The following FGF12 variants were observed in gnomAD, a reference collection of about 807,000 sequenced individuals.
FGF12 encodes the protein fibroblast growth factor 12.
A neutral mutation model predicts 23.6 loss-of-function variants in FGF12; 14 were observed. That is an observed-to-expected ratio of 0.59 (90% CI 0.39 to 0.93). The LOEUF is 0.93. Among genes scored for constraint, FGF12 ranks in the 40% least tolerant of loss-of-function variants. The pLI is 0.00. For synonymous variants in FGF12, 62 were observed against 77.3 expected (o/e 0.80, Z 1.04); for missense variants, 175 against 217.8 (o/e 0.80, Z 1.24).
At chr3:192,220,063 G>A (rs551448460) in intron 4 of FGF12, among the ~76,000 whole-genome samples, 33 of 151,600 alleles carry the variant, frequency 2.2e-4, no homozygotes, top group Non-Finnish European at 2.2e-4. Context: ...CATTGTTCCA[G>A]TCCAGGCCCT....
chr3:192,375,300 C>T (rs574113557), intron 2 of FGF12, among the ~76,000 whole-genome samples: 2 of 152,138 alleles, frequency 1.3e-5, no homozygotes, highest in African/African-American at 4.8e-5. Flanking sequence ...CATTTCTTTG[C>T]TTCATTATTT....
At chr3:192,452,303 T>C (rs1157639369) in intron 2 of FGF12, among the ~76,000 whole-genome samples, 1 of 152,200 alleles carries the variant, frequency 6.6e-6, no homozygotes, top group African/African-American at 2.4e-5. Flanking sequence ...CTGAATTGCA[T>C]AGATTGGTGA....
At chr3:192,578,369 T>C (rs1712996479) in intron 2 of FGF12, among the ~76,000 whole-genome samples, 1 of 152,186 alleles carries the variant, frequency 6.6e-6, no homozygotes, top group Non-Finnish European at 1.5e-5. Flanking sequence ...GTCACGCAGC[T>C]AGGAAATATT....
intron 2 of FGF12, among the ~76,000 whole-genome samples, chr3:192,458,742 T>C (rs1193633371): frequency 6.6e-6 from 1 of 152,192 alleles, no homozygotes; most frequent in East Asian, 1.9e-4. Flanking sequence ...TTTGAGGGAC[T>C]GTTGGGAAGG....
At chr3:192,615,184 T>C (rs1018687774) in intron 2 of FGF12, among the ~76,000 whole-genome samples, 1 of 151,936 alleles carries the variant, frequency 6.6e-6, no homozygotes, top group Admixed American at 6.6e-5. Flanking sequence ...AGGAAGAAAA[T>C]AATATAAACC....
intron 2 of FGF12, among the ~76,000 whole-genome samples, chr3:192,696,311 G>A (rs181995517): frequency 9.7e-4 from 147 of 152,210 alleles, no homozygotes; most frequent in African/African-American, 3.5e-3. Flanking sequence ...GAGAAGCTCT[G>A]AGCAAGTGAC....
At chr3:192,614,058 T>C (rs1196201163) in intron 2 of FGF12, among the ~76,000 whole-genome samples, 1 of 151,948 alleles carries the variant, frequency 6.6e-6, no homozygotes, top group Non-Finnish European at 1.5e-5. Context: ...ACTGAAGACA[T>C]TGTTATTCAT....
At chr3:192,455,191 A>G (rs1722642224) in intron 2 of FGF12, among the ~76,000 whole-genome samples, 1 of 152,230 alleles carries the variant, frequency 6.6e-6, no homozygotes, top group African/African-American at 2.4e-5. Flanking sequence ...AGTTTCCACC[A>G]CATAAAATGC....
intron 4 of FGF12, among the ~76,000 whole-genome samples, chr3:192,319,358 A>G (rs1403466098): frequency 6.6e-6 from 1 of 152,162 alleles, no homozygotes; most frequent in Non-Finnish European, 1.5e-5. Flanking sequence ...GCACTTTGGG[A>G]GGCCAAGGCA....
intron 5 of FGF12, among the ~76,000 whole-genome samples, chr3:192,156,704 T>C (rs900735989): frequency 2.6e-5 from 4 of 152,174 alleles, no homozygotes; most frequent in African/African-American, 9.6e-5. Flanking sequence ...AAAAGAAATA[T>C]TTGCTTCCCT....
chr3:192,692,915 C>T (rs1717991676), intron 2 of FGF12, among the ~76,000 whole-genome samples: 1 of 151,668 alleles, frequency 6.6e-6, no homozygotes, highest in African/African-American at 2.4e-5. Flanking sequence ...GGCAAGGATG[C>T]CTACTCTCAC....
In FGF12 at chr3:192,420,615, C is replaced by A. The variant is rs370612531; in HGVS notation, c.14-60077G>T. ...GTACCCCCTCTCTCTCTTGCTCCCT[C>A]TCTAGCCATGTGGCACTAGCTGTTC... On this transcript the variant is annotated intron_variant, in intron 2 of 5. Coordinates refer to ENST00000445105, the MANE Select transcript of FGF12 (RefSeq NM_004113.6). Among the ~76,000 whole-genome samples, 244 of 152,296 alleles carry A rather than the reference C, an allele frequency of 1.6e-3. 3 individuals carry two copies. The highest frequency in any genetic ancestry group is 0.015 in the South Asian group (71 of 4,828).
At chr3:192,718,601 G>A (rs544058863) in intron 2 of FGF12, among the ~76,000 whole-genome samples, 8 of 152,234 alleles carry the variant, frequency 5.3e-5, no homozygotes, top group South Asian at 4.1e-4. Context: ...CCAGGTCTCC[G>A]GATCCCCAAG....
At chr3:192,373,506 TGAA>T (rs1211940009) in intron 2 of FGF12, among the ~76,000 whole-genome samples, 1 of 152,214 alleles carries the variant, frequency 6.6e-6, no homozygotes, top group African/African-American at 2.4e-5. Flanking sequence ...TGTAAATCAA[TGAA>T]GATTATTAAA....
At position 192,453,225 on chromosome 3, in the gene FGF12, G is replaced by A. The variant is rs572013828; in HGVS notation, c.14-92687C>T. ...CTGATATACTTCCAAACCATCTATT[G>A]GGTTTTTAATTTCAATTATATCTTT... On this transcript the variant is annotated intron_variant, in intron 2 of 5. Coordinates refer to ENST00000445105, the MANE Select transcript of FGF12 (RefSeq NM_004113.6). Among the ~76,000 whole-genome samples the A allele has an allele frequency of 1.6e-4, 24 of 151,712 alleles. No individual in the cohort carries two copies. The South Asian group carries it at 5.0e-3, about 32-fold the overall frequency.
intron 4 of FGF12, among the ~76,000 whole-genome samples, chr3:192,248,476 T>C (rs969574464): frequency 4.6e-5 from 7 of 152,232 alleles, no homozygotes; most frequent in African/African-American, 1.7e-4. Flanking sequence ...TAAGCTATCC[T>C]GGGTATTCAG....
At chr3:192,297,660 AG>A (rs1025508408) in intron 4 of FGF12, among the ~76,000 whole-genome samples, 1 of 152,196 alleles carries the variant, frequency 6.6e-6, no homozygotes, top group African/African-American at 2.4e-5. Context: ...CTCATTTGTC[AG>A]GGGAATGAGC....
chr3:192,415,223 C>T (rs1200459074), intron 2 of FGF12, among the ~76,000 whole-genome samples: 2 of 152,068 alleles, frequency 1.3e-5, no homozygotes. Context: ...CAACAGACCG[C>T]CCATCATTTT....
chr3:192,584,448 C>A (rs1461683345), intron 2 of FGF12, among the ~76,000 whole-genome samples: 4 of 151,888 alleles, frequency 2.6e-5, no homozygotes, highest in Non-Finnish European at 5.9e-5. Context: ...TACACTGAGG[C>A]CTTATCTCAA....
Sources: allele counts gnomAD v4.1 joint callset (sites outside exome capture counted in the v4.1 genomes callset), GRCh38; gene constraint gnomAD v4.1.1; transcripts MANE v1.5; gene names NCBI Gene and HGNC (gene_info 2026-07-23, HGNC 2026-07-21).